Variants in ZNF503 observed in about 807,000 individuals in gnomAD.
ZNF503 encodes the protein NocA-like zinc finger 2.
In ZNF503, 15 loss-of-function variants were observed where a neutral mutation model predicts 34.4. The observed-to-expected ratio is 0.44, with a 90% CI of 0.29 to 0.67. The LOEUF is 0.67. Among genes scored for constraint, ZNF503 ranks in the 30% least tolerant of loss-of-function variants. The pLI is 0.13. For missense variants in ZNF503, 1,007 were observed against 926.8 expected (o/e 1.09, Z -1.12); for synonymous variants, 580 against 456.8 (o/e 1.27, Z -3.44).
At chr10:75,349,335 A>C in the ZNF503 span, among the ~76,000 whole-genome samples, 1 of 152,276 alleles carries the variant, frequency 6.6e-6, no homozygotes, top group South Asian at 2.1e-4. Context: ...ATTTTTGAAG[A>C]GTATAGGCCA....
the ZNF503 span, among the ~76,000 whole-genome samples, chr10:75,300,051 C>T: frequency 5.3e-5 from 8 of 152,148 alleles, no homozygotes; most frequent in Admixed American, 1.3e-4. Context: ...AGCCTGGGAG[C>T]GCTATGGGAG....
the ZNF503 span, among the ~76,000 whole-genome samples, chr10:75,339,600 C>A: frequency 1.3e-5 from 2 of 152,274 alleles, no homozygotes; most frequent in South Asian, 4.2e-4. Context: ...AGAGAGAGCC[C>A]AGTGATAGGT....
the ZNF503 span, among the ~76,000 whole-genome samples, chr10:75,380,874 C>A: frequency 2.0e-4 from 31 of 152,178 alleles, no homozygotes. Flanking sequence ...AGTGCCTGCA[C>A]CCACTAAAAA....
chr10:75,350,009 T>C, the ZNF503 span, among the ~76,000 whole-genome samples: 1 of 152,202 alleles, frequency 6.6e-6, no homozygotes, highest in Non-Finnish European at 1.5e-5. Context: ...GATCCTGATA[T>C]AGACAACATT....
chr10:75,377,749 G>A, the ZNF503 span, among the ~76,000 whole-genome samples: 1 of 152,220 alleles, frequency 6.6e-6, no homozygotes, highest in Non-Finnish European at 1.5e-5. Context: ...TGTGCAATGC[G>A]AGGTCTGCAT....
the ZNF503 span, among the ~76,000 whole-genome samples, chr10:75,330,328 T>G: frequency 3.9e-5 from 6 of 152,178 alleles, no homozygotes; most frequent in Non-Finnish European, 7.3e-5. Context: ...TGTTGTGTCT[T>G]TGTCTGGTTT....
At chr10:75,289,890 T>C in the ZNF503 span, among the ~76,000 whole-genome samples, 1 of 152,138 alleles carries the variant, frequency 6.6e-6, no homozygotes, top group Non-Finnish European at 1.5e-5. Context: ...AATGTACAGC[T>C]CAGTGTTATT....
chr10:75,388,319 ACTC>A, the ZNF503 span, among the ~76,000 whole-genome samples: 235 of 152,224 alleles, frequency 1.5e-3, 2 homozygotes, highest in African/African-American at 5.4e-3. Context: ...TGGTATAAAT[ACTC>A]CCACCATGGC....
the ZNF503 span, among the ~76,000 whole-genome samples, chr10:75,322,000 A>G: frequency 1.2e-4 from 19 of 152,186 alleles, no homozygotes; most frequent in Non-Finnish European, 2.5e-4. Flanking sequence ...AGTAGTTGCC[A>G]TGGAGCACTC....
the ZNF503 span, among the ~76,000 whole-genome samples, chr10:75,291,989 T>A: frequency 6.6e-6 from 1 of 152,178 alleles, no homozygotes; most frequent in Non-Finnish European, 1.5e-5. Flanking sequence ...TGCTTGGGGA[T>A]GGGCACAAAC....
chr10:75,322,979 G>A, the ZNF503 span, among the ~76,000 whole-genome samples: 88 of 152,208 alleles, frequency 5.8e-4, no homozygotes, highest in African/African-American at 2.0e-3. Flanking sequence ...TCTTCTACAG[G>A]TATGTGAAAT....
chr10:75,348,671 C>A, the ZNF503 span, among the ~76,000 whole-genome samples: 1 of 151,796 alleles, frequency 6.6e-6, no homozygotes, highest in East Asian at 1.9e-4. Context: ...GCCACCACGC[C>A]CGGCTAATTT....
At chr10:75,281,795 T>C in the ZNF503 span, among the ~76,000 whole-genome samples, 2 of 152,180 alleles carry the variant, frequency 1.3e-5, no homozygotes, top group Admixed American at 1.3e-4. Flanking sequence ...CATAGATCCA[T>C]AGACCCGGGT....
At chr10:75,342,460 G>T in the ZNF503 span, among the ~76,000 whole-genome samples, 1 of 152,238 alleles carries the variant, frequency 6.6e-6, no homozygotes, top group Non-Finnish European at 1.5e-5. Context: ...CTGAAGCTGG[G>T]ATCATCCTTC....
chr10:75,369,631 C>T, the ZNF503 span, among the ~76,000 whole-genome samples: 2 of 152,112 alleles, frequency 1.3e-5, no homozygotes, highest in South Asian at 2.1e-4. Context: ...TTTATAGCAG[C>T]GTGAGAACAG....
the ZNF503 span, among the ~76,000 whole-genome samples, chr10:75,289,136 C>A: frequency 2.0e-5 from 3 of 152,122 alleles, no homozygotes; most frequent in Non-Finnish European, 4.4e-5. Flanking sequence ...GGGGCCAGAG[C>A]AGATTTCCAA....
chr10:75,380,677 G>A, the ZNF503 span, among the ~76,000 whole-genome samples: 164 of 152,278 alleles, frequency 1.1e-3, no homozygotes, highest in African/African-American at 3.4e-3. Context: ...TCGAGATTCC[G>A]CCTTTGGAAA....
chr10:75,401,039 AAAAG>A (rs764665552), intron 1 of ZNF503, 62 bp downstream of exon 1: 16 of 1,605,590 alleles, frequency 1.0e-5, no homozygotes, highest in Non-Finnish European at 1.4e-5. Context: ...GATCCCGAGA[AAAAG>A]AAAGCCCTAG....
At chr10:75,350,330 T>C in the ZNF503 span, 1 of 151,618 alleles carries the variant, frequency 6.6e-6, no homozygotes, top group Non-Finnish European at 1.5e-5. Context: ...CTTTGGGGAG[T>C]GAAAGGCAGT....
Sources: gnomAD v4.1 joint callset for allele counts (sites outside exome capture counted in the v4.1 genomes callset) on GRCh38, gnomAD v4.1.1 for gene constraint, MANE v1.5 for transcripts, NCBI Gene and HGNC (gene_info 2026-07-23, HGNC 2026-07-21) for gene names.